TMEM132D: variants seen among roughly 807,000 people sequenced by gnomAD.
TMEM132D encodes transmembrane protein 132D.
A neutral mutation model predicts 62.3 loss-of-function variants in TMEM132D; 21 were observed. That is an observed-to-expected ratio of 0.34 (90% CI 0.24 to 0.49). The LOEUF (loss-of-function observed/expected upper bound fraction) is 0.49. Among genes scored for constraint, TMEM132D ranks in the 20% least tolerant of loss-of-function variants. The pLI is 0.99. For synonymous variants in TMEM132D, 621 were observed against 575.6 expected (o/e 1.08, Z -1.13); for missense variants, 1,346 against 1,402.8 (o/e 0.96, Z 0.65).
chr12:129,799,089 AC>A (rs546517484), intron 1 of TMEM132D, among the ~76,000 whole-genome samples: 1 of 152,106 alleles, frequency 6.6e-6, no homozygotes, highest in South Asian at 2.1e-4. Flanking sequence ...ACACAGTGAA[AC>A]CCCGTCTCTA....
intron 3 of TMEM132D, among the ~76,000 whole-genome samples, chr12:129,512,208 C>T (rs1875516217): frequency 6.6e-6 from 1 of 152,202 alleles, no homozygotes; most frequent in Non-Finnish European, 1.5e-5. Flanking sequence ...TTCAGTGGCT[C>T]TCACCCTATT....
chr12:129,096,193 T>A (rs901022896), intron 5 of TMEM132D, among the ~76,000 whole-genome samples: 2 of 151,556 alleles, frequency 1.3e-5, no homozygotes, highest in Non-Finnish European at 2.9e-5. Context: ...TGAGGCGCGA[T>A]GAGATTAGGT....
At chr12:129,602,765 C>T (rs1451509250) in intron 2 of TMEM132D, among the ~76,000 whole-genome samples, 4 of 152,136 alleles carry the variant, frequency 2.6e-5, no homozygotes, top group East Asian at 1.9e-4. Context: ...GTGTATTAGT[C>T]CATTCTCGCC....
intron 1 of TMEM132D, among the ~76,000 whole-genome samples, chr12:129,820,235 G>T (rs755949849): frequency 6.6e-6 from 1 of 152,286 alleles, no homozygotes; most frequent in Non-Finnish European, 1.5e-5. Flanking sequence ...GGGGCCAGTT[G>T]TTGCAAAGAT....
At chr12:129,839,906 C>G (rs1163148768) in intron 1 of TMEM132D, 1 of 152,182 alleles carries the variant, frequency 6.6e-6, no homozygotes, top group African/African-American at 2.4e-5. Flanking sequence ...AGCTCCCACA[C>G]AGAACGTCCG....
At chr12:129,275,530 C>T (rs1291268940) in intron 4 of TMEM132D, among the ~76,000 whole-genome samples, 3 of 152,290 alleles carry the variant, frequency 2.0e-5, no homozygotes, top group Middle Eastern at 3.4e-3. Flanking sequence ...ACTACACGCT[C>T]AGGAAACTTC....
At chr12:129,196,894 C>T (rs1878565112) in intron 5 of TMEM132D, among the ~76,000 whole-genome samples, 1 of 152,072 alleles carries the variant, frequency 6.6e-6, no homozygotes, top group South Asian at 2.1e-4. Flanking sequence ...GGCATGAAGT[C>T]TTGTTGGAAG....
Position 129,612,823 on chromosome 12 carries a change from C to T in TMEM132D, c.969-81618G>A, listed in dbSNP as rs972732653. On this transcript the variant is annotated intron_variant, in intron 2 of 8. Transcript: ENST00000422113. ...CAGAGGTTGCAGTGAGCCGAGATCA[C>T]GCCACTGTACTCCAGCCTGGCGACA... Among the ~76,000 whole-genome samples the T allele has an allele frequency of 7.9e-5, 12 of 152,266 alleles. No individual in the cohort carries two copies. In the East Asian group the frequency reaches 1.4e-3, roughly 17 times the overall value.
At chr12:129,330,316 G>A (rs1369653836) in intron 4 of TMEM132D, among the ~76,000 whole-genome samples, 3 of 152,180 alleles carry the variant, frequency 2.0e-5, no homozygotes, top group African/African-American at 7.2e-5. Context: ...GTTTACTGGA[G>A]TCTAGCAGCT....
intron 5 of TMEM132D, among the ~76,000 whole-genome samples, chr12:129,099,487 T>C (rs1183365331): frequency 1.3e-5 from 2 of 152,200 alleles, no homozygotes; most frequent in Non-Finnish European, 2.9e-5. Flanking sequence ...CCTGGAACAC[T>C]AGCCCTTCAG....
At chr12:129,727,225 T>C (rs1412069876) in intron 1 of TMEM132D, among the ~76,000 whole-genome samples, 1 of 152,200 alleles carries the variant, frequency 6.6e-6, no homozygotes, top group East Asian at 1.9e-4. Context: ...AGAATAGAAG[T>C]TTATATGGCT....
chr12:129,112,746 A>C (rs576054535), intron 5 of TMEM132D, among the ~76,000 whole-genome samples: 11 of 152,368 alleles, frequency 7.2e-5, no homozygotes, highest in Non-Finnish European at 1.3e-4. Context: ...CTCAGAAGCC[A>C]CAGTGGCTGG....
chr12:129,525,566 A>G (rs1876005286), intron 3 of TMEM132D, among the ~76,000 whole-genome samples: 1 of 152,070 alleles, frequency 6.6e-6, no homozygotes, highest in Non-Finnish European at 1.5e-5. Context: ...AAAATGATGA[A>G]GAGATGGGTT....
chr12:129,566,010 C>T (rs1877357289), intron 2 of TMEM132D, among the ~76,000 whole-genome samples: 1 of 152,190 alleles, frequency 6.6e-6, no homozygotes, highest in Non-Finnish European at 1.5e-5. Context: ...ATGCGTATAG[C>T]ACTATACCGC....
chr12:129,364,800 C>T (rs1365098698), intron 3 of TMEM132D, among the ~76,000 whole-genome samples: 1 of 152,120 alleles, frequency 6.6e-6, no homozygotes, highest in Non-Finnish European at 1.5e-5. Flanking sequence ...TCATGGAGAC[C>T]ACATTCCAGT....
At chr12:129,875,627 G>A (rs1368455273) in intron 1 of TMEM132D, among the ~76,000 whole-genome samples, 2 of 152,090 alleles carry the variant, frequency 1.3e-5, no homozygotes, top group Admixed American at 1.3e-4. Context: ...GGCCTCTGTG[G>A]CTACTCTGTG....
intron 3 of TMEM132D, among the ~76,000 whole-genome samples, chr12:129,494,858 C>T (rs1343073420): frequency 6.6e-6 from 1 of 152,166 alleles, no homozygotes; most frequent in Non-Finnish European, 1.5e-5. Context: ...TCATCCTGGC[C>T]TCTTTGGGAT....
chr12:129,528,114 T>C (rs759713128), intron 3 of TMEM132D, among the ~76,000 whole-genome samples: 3 of 152,162 alleles, frequency 2.0e-5, no homozygotes, highest in Non-Finnish European at 4.4e-5. Context: ...TAAGAATAAC[T>C]AGAAAACACT....
At chr12:129,641,191 G>A (rs1879632741) in intron 2 of TMEM132D, among the ~76,000 whole-genome samples, 2 of 152,144 alleles carry the variant, frequency 1.3e-5, no homozygotes. Context: ...GGTTCCTGGT[G>A]CCAAAAATGT....
Sources: gnomAD v4.1 joint callset for allele counts (sites outside exome capture counted in the v4.1 genomes callset) on GRCh38, gnomAD v4.1.1 for gene constraint, MANE v1.5 for transcripts, NCBI Gene and HGNC (gene_info 2026-07-23, HGNC 2026-07-21) for gene names.